Variants in KIAA0825 observed in about 807,000 individuals in gnomAD.
KIAA0825 encodes KIAA0825, also known as uncharacterized protein KIAA0825.
Under a neutral mutation model 147.6 loss-of-function variants are expected in KIAA0825, and 119 were observed. That is an observed-to-expected ratio of 0.81 (90% CI 0.69 to 0.94). KIAA0825 has a LOEUF of 0.94. Among genes scored for constraint, KIAA0825 ranks in the 40% least tolerant of loss-of-function variants. The probability of loss-of-function intolerance (pLI) is 0.00; values close to 1 mark genes in which losing one functional copy is unlikely to be tolerated. For synonymous variants in KIAA0825, 470 were observed against 518.1 expected (o/e 0.91, Z 1.26); for missense variants, 1,381 against 1,472.7 (o/e 0.94, Z 1.02).
chr5:94,454,969 A>T (rs1053546586), intron 12 of KIAA0825, among the ~76,000 whole-genome samples: 2 of 152,128 alleles, frequency 1.3e-5, no homozygotes, highest in African/African-American at 4.8e-5. Flanking sequence ...GGAGAAAATT[A>T]AGGGAAACGA....
Position 94,464,902 on chromosome 5 carries a change from G to A in KIAA0825, c.2030C>T (p.Ala677Val), listed in dbSNP as rs1562523717. 1 of 1,551,556 alleles carries A rather than the reference G, an allele frequency of 6.4e-7. No homozygotes were observed. The part of the protein sequence containing the change: ...LSLLASRYAR[A>V]HPSRKRTPQL... ...TGGAGTTCTTTTACGGCTGGGGTGG[G>A]CCCGAGCGTATCTGGAGGCCAGTAG... is the stretch of plus-strand genomic sequence containing the variant. Residue 677 changes from alanine to valine, a missense_variant, in exon 11 of 21, where the codon GCC becomes GTC. Ala to Val is a moderately conservative substitution (Grantham distance 64). Coordinates refer to ENST00000682413, the MANE Select transcript of KIAA0825 (RefSeq NM_001145678.3).
chr5:94,446,670 C>T (rs1326054130), intron 13 of KIAA0825, among the ~76,000 whole-genome samples: 3 of 152,184 alleles, frequency 2.0e-5, no homozygotes, highest in Admixed American at 2.0e-4. Context: ...GTAAGAGTTA[C>T]ATCTCTGCAG....
chr5:94,359,367 C>T (rs1744742629), intron 20 of KIAA0825, among the ~76,000 whole-genome samples: 1 of 152,146 alleles, frequency 6.6e-6, no homozygotes, highest in Non-Finnish European at 1.5e-5. Context: ...TAATAAAATA[C>T]TCAGTCCTAC....
chr5:94,186,533 T>G (rs1562301378), intron 20 of KIAA0825, among the ~76,000 whole-genome samples: 1 of 152,178 alleles, frequency 6.6e-6, no homozygotes, highest in Non-Finnish European at 1.5e-5. Context: ...GTAAAGCAAA[T>G]AAGCAAATAT....
At chr5:94,220,898 C>T (rs1164374177) in intron 20 of KIAA0825, among the ~76,000 whole-genome samples, 1 of 152,088 alleles carries the variant, frequency 6.6e-6, no homozygotes, top group Non-Finnish European at 1.5e-5. Flanking sequence ...TAATATTAAC[C>T]TATTTTAACC....
chr5:94,228,022 A>G (rs1774360359), intron 20 of KIAA0825, among the ~76,000 whole-genome samples: 1 of 152,156 alleles, frequency 6.6e-6, no homozygotes, highest in East Asian at 1.9e-4. Flanking sequence ...CTGTGAGAGA[A>G]ACTAGAAGAA....
intron 20 of KIAA0825, among the ~76,000 whole-genome samples, chr5:94,368,928 G>A (rs1412403365): frequency 6.6e-6 from 1 of 152,114 alleles, no homozygotes; most frequent in African/African-American, 2.4e-5. Flanking sequence ...AGCACTTTGG[G>A]AGGTTGAGCC....
At chr5:94,267,492 C>T (rs1323644451) in intron 20 of KIAA0825, among the ~76,000 whole-genome samples, 1 of 151,980 alleles carries the variant, frequency 6.6e-6, no homozygotes, top group South Asian at 2.1e-4. Context: ...GGAGTGAAAC[C>T]GTGTGTATCA....
chr5:94,499,776 T>C (rs1764848780), intron 5 of KIAA0825, among the ~76,000 whole-genome samples: 1 of 152,208 alleles, frequency 6.6e-6, no homozygotes, highest in South Asian at 2.1e-4. Context: ...ATTGAACTCC[T>C]GTCATATATT....
chr5:94,502,419 G>T (rs1360460194), intron 5 of KIAA0825, among the ~76,000 whole-genome samples: 2 of 152,090 alleles, frequency 1.3e-5, no homozygotes, highest in African/African-American at 2.4e-5. Flanking sequence ...GAAATTGAAG[G>T]TGGTCACAAA....
chr5:94,175,738 G>A (rs914745038), intron 20 of KIAA0825, among the ~76,000 whole-genome samples: 1 of 152,088 alleles, frequency 6.6e-6, no homozygotes, highest in Non-Finnish European at 1.5e-5. Flanking sequence ...CGTGAATTTA[G>A]GTTGAATAAA....
Position 94,331,234 on chromosome 5 carries a change from G to A in KIAA0825, c.3710+53134C>T, listed in dbSNP as rs182265236. Among the ~76,000 whole-genome samples, 300 of 151,848 alleles carry A rather than the reference G, an allele frequency of 2.0e-3. 1 individual carries two copies. The highest frequency in any genetic ancestry group is 6.8e-3 in the African/African-American group (283 of 41,442). The stretch of plus-strand genomic sequence containing the variant: ...AAAGAAAGAAAAGAAAGAAAACAAG[G>A]AAAAGGAGGGATATCACTATAGACT... On this transcript the variant is annotated intron_variant, in intron 20 of 20. Coordinates refer to ENST00000682413, the MANE Select transcript of KIAA0825 (RefSeq NM_001145678.3).
At chr5:94,299,606 A>G (rs967209162) in intron 20 of KIAA0825, among the ~76,000 whole-genome samples, 14 of 152,096 alleles carry the variant, frequency 9.2e-5, no homozygotes, top group African/African-American at 3.1e-4. Context: ...GAAAACTGTT[A>G]AGGTGAATTC....
At chr5:94,571,131 T>C (rs1300655924) in intron 2 of KIAA0825, among the ~76,000 whole-genome samples, 2 of 152,240 alleles carry the variant, frequency 1.3e-5, no homozygotes, top group Non-Finnish European at 2.9e-5. Context: ...CCACAGGTTC[T>C]AAATTTGCTA....
chr5:94,283,325 A>G (rs1183142933), intron 20 of KIAA0825, among the ~76,000 whole-genome samples: 1 of 152,088 alleles, frequency 6.6e-6, no homozygotes, highest in Non-Finnish European at 1.5e-5. Context: ...TGACTTGTTC[A>G]TTGTCACAAT....
chr5:94,252,477 A>T (rs942516030), intron 20 of KIAA0825, among the ~76,000 whole-genome samples: 20 of 151,922 alleles, frequency 1.3e-4, no homozygotes, highest in Admixed American at 6.6e-5. Context: ...AGAGAGAGAG[A>T]GAGTGAGTGA....
intron 20 of KIAA0825, among the ~76,000 whole-genome samples, chr5:94,330,628 C>T (rs557223793): frequency 2.6e-5 from 4 of 151,894 alleles, no homozygotes; most frequent in Non-Finnish European, 4.4e-5. Context: ...TCAAACCAAT[C>T]ATCTAAGATT....
At chr5:94,594,736 AGGATGCTT>A in intron 1 of KIAA0825, 1 of 629,948 alleles carries the variant, frequency 1.6e-6, no homozygotes, top group Non-Finnish European at 3.0e-6. Flanking sequence ...CTGTCAACAA[AGGATGCTT>A]GGATGGACTA....
At chr5:94,163,993 T>G (rs1049927786) in intron 20 of KIAA0825, among the ~76,000 whole-genome samples, 1 of 152,226 alleles carries the variant, frequency 6.6e-6, no homozygotes, top group Non-Finnish European at 1.5e-5. Context: ...GCTTATGTTT[T>G]GAGAGATCAA....
Sources: gnomAD v4.1 joint callset for allele counts (sites outside exome capture counted in the v4.1 genomes callset) on GRCh38, gnomAD v4.1.1 for gene constraint, MANE v1.5 for transcripts, NCBI Gene and HGNC (gene_info 2026-07-23, HGNC 2026-07-21) for gene names.